TIAM2: variants seen among roughly 807,000 people sequenced by gnomAD.
TIAM2 encodes TIAM Rac1 associated GEF 2, also known as rho guanine nucleotide exchange factor TIAM2.
In TIAM2, 80 loss-of-function variants were observed where a neutral mutation model predicts 152.9. The ratio of observed to expected loss-of-function variants is 0.52; its 90% CI spans 0.44 to 0.63. TIAM2 has a LOEUF of 0.63. Among genes scored for constraint, TIAM2 ranks in the 30% least tolerant of loss-of-function variants. The pLI, the probability that TIAM2 is intolerant of heterozygous loss-of-function variation, is 0.00. For missense variants in TIAM2, 1,965 were observed against 2,120.1 expected, an observed-to-expected ratio of 0.93 and a Z score of 1.44; for synonymous variants, 804 against 838.0, an observed-to-expected ratio of 0.96 and a Z score of 0.70.
At chr6:155,244,862 G>T (rs184978676) in intron 18 of TIAM2, 79 bp downstream of exon 18, 1 of 1,469,328 alleles carries the variant, frequency 6.8e-7, no homozygotes, top group Admixed American at 2.2e-5. Context: ...TCTCTCATGA[G>T]AAAGAATTTC....
chr6:155,186,108 G>T lies in TIAM2; in HGVS notation c.3064+2608G>T, dbSNP rs1781038073. 6.6e-6 allele frequency among the ~76,000 whole-genome samples: 1 copy of T among 152,210 alleles called. No individual in the cohort carries two copies. Among genetic ancestry groups the T allele is most frequent in the South Asian group, 2.1e-4 (1 of 4,830 alleles). On this transcript the variant is annotated intron_variant, in intron 14 of 26. Transcript: ENST00000682666. This position sits in a 1 kb window ranked among gnomAD's most constrained non-coding sequence, Gnocchi z 4.5. ...AAAAGATAAAAGTGAAAAAAGACCA[G>T]GTCTCTCATTCATATGCAACATCTG...
intron 2 of TIAM2, among the ~76,000 whole-genome samples, chr6:155,111,337 A>ACT (rs1554231162): frequency 6.8e-6 from 1 of 146,648 alleles, no homozygotes; most frequent in East Asian, 2.0e-4. Context: ...ACACACACAC[A>ACT]CTCTCCGTTG....
chr6:155,120,077 A>G (rs1562322653), intron 2 of TIAM2, among the ~76,000 whole-genome samples: 1 of 152,188 alleles, frequency 6.6e-6, no homozygotes, highest in Non-Finnish European at 1.5e-5. Context: ...GTGAGTGTGG[A>G]GATCCTCCTT....
At chr6:155,178,970 A>G in intron 10 of TIAM2, 69 bp from the exon 11 acceptor site, 1 of 1,234,986 alleles carries the variant, frequency 8.1e-7, no homozygotes, top group Non-Finnish European at 1.2e-6. Context: ...GATTTTTAAT[A>G]AGCCTGCTAA....
intron 15 of TIAM2, among the ~76,000 whole-genome samples, chr6:155,233,857 G>A (rs774071372): frequency 2.0e-5 from 3 of 152,088 alleles, no homozygotes; most frequent in African/African-American, 4.8e-5. Context: ...CAGCTGCTTA[G>A]GAGGCTGAGG....
At chr6:155,206,516 T>C (rs1303112666) in intron 14 of TIAM2, among the ~76,000 whole-genome samples, 1 of 152,202 alleles carries the variant, frequency 6.6e-6, no homozygotes, top group East Asian at 1.9e-4. Context: ...ATTACAGGTG[T>C]GAACCACTGT....
intron 2 of TIAM2, among the ~76,000 whole-genome samples, chr6:155,097,689 T>G (rs988970738): frequency 6.6e-6 from 1 of 152,212 alleles, no homozygotes; most frequent in Non-Finnish European, 1.5e-5. Flanking sequence ...ATTTCTGCTT[T>G]TATGCCTGTG....
rs1438763076 is a variant in TIAM2, at chr6:155,122,357, TGGA to T, written c.-117-5132_-117-5130del. Among the ~76,000 whole-genome samples, 1,037 of 151,070 alleles carry T rather than the reference TGGA, an allele frequency of 6.9e-3. 9 individuals carry two copies. The highest frequency in any genetic ancestry group is 0.023 in the African/African-American group (955 of 41,062). ...TTGGGGATTGGGAGGGAATGGAGAATGGAAGGTAGGATTTTGGGGATTGGGAGG... is the reference window on the plus strand; with the variant it reads ...TTGGGGATTGGGAGGGAATGGAGAATAGGTAGGATTTTGGGGATTGGGAGG... On this transcript the variant is annotated intron_variant, in intron 2 of 26. Coordinates refer to ENST00000682666, the MANE Select transcript of TIAM2 (RefSeq NM_012454.4).
chr6:155,071,895 CAAA>C (rs374621162), intron 1 of TIAM2, among the ~76,000 whole-genome samples: 34 of 108,848 alleles, frequency 3.1e-4, no homozygotes, highest in Admixed American at 3.7e-4. Context: ...AACTCTGTGT[CAAA>C]AAAAAAAAAA....
At chr6:155,037,350 A>T (rs1776941752) in intron 1 of TIAM2, among the ~76,000 whole-genome samples, 1 of 152,026 alleles carries the variant, frequency 6.6e-6, no homozygotes, top group Non-Finnish European at 1.5e-5. Context: ...CTTTCCCTTG[A>T]GTTCAATAGC....
intron 2 of TIAM2, among the ~76,000 whole-genome samples, chr6:155,124,289 G>A (rs1249759789): frequency 3.3e-5 from 5 of 152,162 alleles, no homozygotes; most frequent in African/African-American, 1.2e-4. Context: ...CCAAAGTGCT[G>A]GGATTACAGG....
chr6:155,243,340 C>A lies in TIAM2; in HGVS notation c.3349-671C>A, dbSNP rs577307699. On this transcript the variant is annotated intron_variant, in intron 16 of 26. Coordinates refer to ENST00000682666, the MANE Select transcript of TIAM2 (RefSeq NM_012454.4). Reference sequence around the variant, plus strand: ...AGAAGAGGCCAGGAGCTGGGGTGCACCTGACACCAGTGCCACCCAGACGCC... The same window carrying A: ...AGAAGAGGCCAGGAGCTGGGGTGCAACTGACACCAGTGCCACCCAGACGCC... Among the ~76,000 whole-genome samples, 7 of 152,248 alleles carry A rather than the reference C, an allele frequency of 4.6e-5. No homozygotes were observed. The East Asian group carries it at 1.4e-3, about 29-fold the overall frequency.
intron 9 of TIAM2, among the ~76,000 whole-genome samples, chr6:155,172,678 ATATATATATTTTTTTTTT>A (rs1780645729): frequency 7.2e-5 from 1 of 13,948 alleles, no homozygotes; most frequent in African/African-American, 3.5e-4. Flanking sequence ...ATATATATAT[ATATATATATTTTTTTTTT>A]TTTTTTTTTT....
chr6:155,020,078 G>A (rs912719442), intron 1 of TIAM2, among the ~76,000 whole-genome samples: 3 of 151,958 alleles, frequency 2.0e-5, no homozygotes, highest in Admixed American at 1.3e-4. Context: ...CGAGGTAGGT[G>A]GTAGACATGT....
At chr6:155,092,555 A>G (rs996712629) in intron 2 of TIAM2, among the ~76,000 whole-genome samples, 2 of 152,108 alleles carry the variant, frequency 1.3e-5, no homozygotes, top group Non-Finnish European at 2.9e-5. Context: ...TTATATATTC[A>G]ATATACAAAT....
At chr6:155,080,684 C>T (rs1235887056) in intron 1 of TIAM2, among the ~76,000 whole-genome samples, 1 of 152,138 alleles carries the variant, frequency 6.6e-6, no homozygotes, top group Non-Finnish European at 1.5e-5. Context: ...CCGCCCACCT[C>T]AGCCTCCCAG....
At chr6:155,135,431 G>A (rs898718941) in intron 4 of TIAM2, among the ~76,000 whole-genome samples, 1 of 152,190 alleles carries the variant, frequency 6.6e-6, no homozygotes, top group African/African-American at 2.4e-5. Context: ...CCCACTAGCA[G>A]CTGAGTAGTC....
chr6:155,235,314 G>C (rs553337388), intron 15 of TIAM2, among the ~76,000 whole-genome samples: 1 of 152,180 alleles, frequency 6.6e-6, no homozygotes, highest in Non-Finnish European at 1.5e-5. Context: ...CATCAGGAAG[G>C]ACACTGAAGA....
At chr6:155,142,671 T>C (rs1012581247) in intron 5 of TIAM2, among the ~76,000 whole-genome samples, 13 of 152,234 alleles carry the variant, frequency 8.5e-5, no homozygotes, top group Admixed American at 2.0e-4. Context: ...AAAAAGATAC[T>C]GGCCAGGCCT....
Sources: gnomAD v4.1 joint callset for allele counts (sites outside exome capture counted in the v4.1 genomes callset) on GRCh38, gnomAD v4.1.1 for gene constraint, Gnocchi (gnomAD v3.1) non-coding constraint, MANE v1.5 for transcripts, NCBI Gene and HGNC (gene_info 2026-07-23, HGNC 2026-07-21) for gene names.